Variants in RTL4 observed in about 807,000 individuals in gnomAD.
The protein encoded by RTL4 is retrotransposon Gag-like protein 4.
A neutral mutation model predicts 5.3 loss-of-function variants in RTL4; 4 were observed. That is an observed-to-expected ratio of 0.75 (90% CI 0.37 to 1.72). RTL4 has a LOEUF of 1.72. RTL4 is among the 40% of genes most tolerant of loss of function. The pLI is 0.04. For missense variants in RTL4, 260 were observed against 227.1 expected (o/e 1.14, Z -0.93); for synonymous variants, 98 against 87.3 (o/e 1.12, Z -0.68).
chrX:112,135,705 G>T, the RTL4 span, among the ~76,000 whole-genome samples: 1 of 110,238 alleles, frequency 9.1e-6, no homozygotes, highest in Admixed American at 9.8e-5. Context: ...GTGAGATACG[G>T]ATTAAAGTCA....
At chrX:112,319,612 C>G in the RTL4 span, among the ~76,000 whole-genome samples, 2 of 111,589 alleles carry the variant, frequency 1.8e-5, no homozygotes, top group African/African-American at 6.5e-5. Flanking sequence ...ACATTTCCAC[C>G]GCCCCTATAA....
the RTL4 span, among the ~76,000 whole-genome samples, chrX:112,087,243 TA>T: frequency 4.7e-3 from 516 of 110,581 alleles, 4 homozygotes; most frequent in African/African-American, 0.016. Context: ...CCCAGCTTAT[TA>T]AAAACTATCC....
At chrX:112,103,220 GT>G in the RTL4 span, among the ~76,000 whole-genome samples, 1 of 111,945 alleles carries the variant, frequency 8.9e-6, no homozygotes, top group Non-Finnish European at 1.9e-5. Flanking sequence ...AAAAAAATGT[GT>G]TACATATACT....
At chrX:112,425,438 G>T in the RTL4 span, among the ~76,000 whole-genome samples, 2 of 110,982 alleles carry the variant, frequency 1.8e-5, no homozygotes, top group Non-Finnish European at 3.8e-5. Flanking sequence ...CTTTAGGTAA[G>T]TACCAAGGAG....
chrX:112,455,766 T>C (rs971906116), exon 1 of RTL4: 2 of 771,170 alleles, frequency 2.6e-6, no homozygotes, highest in Admixed American at 7.6e-5. Flanking sequence ...CACCACTTTA[T>C]AGGCAGTTAT....
chrX:112,124,778 G>A, the RTL4 span, among the ~76,000 whole-genome samples: 1,037 of 110,534 alleles, frequency 9.4e-3, 39 homozygotes, highest in Admixed American at 0.088. Context: ...CACGTTCTGC[G>A]CACGTATCCT....
chrX:112,372,228 G>GCAT, the RTL4 span, among the ~76,000 whole-genome samples: 1 of 111,357 alleles, frequency 9.0e-6, no homozygotes, highest in South Asian at 3.8e-4. Flanking sequence ...GAAGTCTACA[G>GCAT]CATGTGTTCT....
chrX:112,327,972 C>T, the RTL4 span, among the ~76,000 whole-genome samples: 5 of 104,999 alleles, frequency 4.8e-5, no homozygotes, highest in African/African-American at 1.7e-4. Flanking sequence ...ATTTTGTCAC[C>T]ACCAGGCCTG....
At chrX:112,174,330 T>C in the RTL4 span, among the ~76,000 whole-genome samples, 1 of 97,310 alleles carries the variant, frequency 1.0e-5, no homozygotes, top group Non-Finnish European at 2.0e-5. Flanking sequence ...GAACATGCAG[T>C]GTTTGGTTTT....
the RTL4 span, among the ~76,000 whole-genome samples, chrX:112,327,402 A>G: frequency 4.5e-5 from 5 of 111,919 alleles, 1 homozygote; most frequent in Admixed American, 9.5e-5. Context: ...AAGAAAGGGT[A>G]TCAGCGATGG....
chrX:112,192,435 C>A, the RTL4 span, among the ~76,000 whole-genome samples: 1 of 110,853 alleles, frequency 9.0e-6, no homozygotes, highest in Non-Finnish European at 1.9e-5. Flanking sequence ...ATATGTCTTA[C>A]GTCATTTTTG....
At chrX:112,099,771 C>T in the RTL4 span, among the ~76,000 whole-genome samples, 17 of 110,962 alleles carry the variant, frequency 1.5e-4, no homozygotes, top group Non-Finnish European at 2.5e-4. Flanking sequence ...TATAGTTTTA[C>T]GGAGAATGAA....
the RTL4 span, among the ~76,000 whole-genome samples, chrX:112,153,412 C>A: frequency 4.5e-5 from 5 of 111,905 alleles, no homozygotes; most frequent in Admixed American, 4.7e-4. Context: ...AGAAATATTC[C>A]ATTTCCCAAT....
At chrX:112,155,884 T>C in the RTL4 span, among the ~76,000 whole-genome samples, 20 of 111,828 alleles carry the variant, frequency 1.8e-4, 1 homozygote, top group Admixed American at 1.5e-3. Flanking sequence ...TTACTAATCT[T>C]GTTATTAATA....
At chrX:112,305,644 G>A in the RTL4 span, among the ~76,000 whole-genome samples, 4 of 111,840 alleles carry the variant, frequency 3.6e-5, no homozygotes, top group East Asian at 2.8e-4. Context: ...GATTACAGGC[G>A]TGAGCCACAA....
At chrX:112,332,546 C>T in the RTL4 span, among the ~76,000 whole-genome samples, 3 of 109,879 alleles carry the variant, frequency 2.7e-5, no homozygotes, top group Admixed American at 2.0e-4. Flanking sequence ...ATGGATGAAG[C>T]TGGAAACCAT....
chrX:112,236,118 G>T, the RTL4 span, among the ~76,000 whole-genome samples: 2 of 109,674 alleles, frequency 1.8e-5, no homozygotes, highest in Non-Finnish European at 3.8e-5. Context: ...GGAAGAGAAT[G>T]ATTTAAATAA....
At chrX:112,162,574 C>T in the RTL4 span, among the ~76,000 whole-genome samples, 1 of 111,655 alleles carries the variant, frequency 9.0e-6, no homozygotes, top group Non-Finnish European at 1.9e-5. Flanking sequence ...TAGGCCTGAC[C>T]TGCCCCAATT....
the RTL4 span, among the ~76,000 whole-genome samples, chrX:112,234,443 G>C: frequency 9.0e-6 from 1 of 110,770 alleles, no homozygotes; most frequent in East Asian, 2.9e-4. Context: ...GAATTTCCTG[G>C]GGGAGTAGGC....
Sources: gnomAD v4.1 joint callset for allele counts (sites outside exome capture counted in the v4.1 genomes callset) on GRCh38, gnomAD v4.1.1 for gene constraint, MANE v1.5 for transcripts, NCBI Gene and HGNC (gene_info 2026-07-23, HGNC 2026-07-21) for gene names.